The following SEPTIN10 variants were observed in gnomAD, a reference collection of about 807,000 sequenced individuals.
SEPTIN10 encodes septin 10.
Under a neutral mutation model 54.8 loss-of-function variants are expected in SEPTIN10, and 66 were observed. The ratio of observed to expected loss-of-function variants is 1.21; its 90% confidence interval spans 0.99 to 1.48. The LOEUF is 1.48. SEPTIN10 is among the 40% of genes most tolerant of loss of function. The probability of loss-of-function intolerance (pLI) is 0.00; values close to 1 mark genes in which losing one functional copy is unlikely to be tolerated. For missense variants in SEPTIN10, 620 were observed against 545.6 expected (o/e 1.14, Z -1.36); for synonymous variants, 161 against 181.0 (o/e 0.89, Z 0.89).
At chr2:109,612,851 A>AT (rs1699550867) in intron 1 of SEPTIN10, among the ~76,000 whole-genome samples, 1 of 152,196 alleles carries the variant, frequency 6.6e-6, no homozygotes. Flanking sequence ...CAGGTTCTAT[A>AT]AAACAAACCA....
At position 109,574,725 on chromosome 2, in the gene SEPTIN10, G is replaced by A; in HGVS notation, c.456C>T (p.Ala152=). 1 of 1,601,770 alleles carries A rather than the reference G, an allele frequency of 6.2e-7. No individual in the cohort carries two copies. The highest frequency in any genetic ancestry group is 8.5e-7 in the Non-Finnish European group (1 of 1,174,616). Residue 152 remains alanine, a synonymous_variant, in exon 5 of 11, where the codon GCC becomes GCT. Coordinates refer to ENST00000397712, the MANE Select transcript of SEPTIN10 (RefSeq NM_144710.5). ...TAATCTTCAGTTCTTCTTGGAGATAGGCCTCAAACTGAGCATCTATGTAGT... is the reference window on the plus strand; with the variant it reads ...TAATCTTCAGTTCTTCTTGGAGATAAGCCTCAAACTGAGCATCTATGTAGT... ...IVDYIDAQFE[A]YLQEELKIKR...
At chr2:109,548,169 G>T (rs1443315158) in intron 9 of SEPTIN10, among the ~76,000 whole-genome samples, 5 of 121,504 alleles carry the variant, frequency 4.1e-5, no homozygotes, top group Non-Finnish European at 5.0e-5. Flanking sequence ...TTTAATTGTG[G>T]CTTACCTCAA....
At chr2:109,571,562 G>C (rs145365841) in intron 5 of SEPTIN10, among the ~76,000 whole-genome samples, 12 of 152,324 alleles carry the variant, frequency 7.9e-5, no homozygotes, top group Non-Finnish European at 1.5e-4. Flanking sequence ...TCTAAACACA[G>C]AAACATATAA....
chr2:109,607,161 T>C (rs1698179949), intron 1 of SEPTIN10, among the ~76,000 whole-genome samples: 1 of 152,200 alleles, frequency 6.6e-6, no homozygotes, highest in Non-Finnish European at 1.5e-5. Flanking sequence ...TATTTAAAGG[T>C]AGTATAAATC....
rs2104785187 is a variant in SEPTIN10, at chr2:109,552,897, AG to A, written c.1161+189del. 4.8e-6 allele frequency: 3 copies of A among 621,542 alleles called. No homozygotes were observed. The East Asian group carries it at 9.0e-5, about 19-fold the overall frequency. 38.5% of individuals were successfully genotyped at this position (621,542 alleles called of 1,614,324 possible). ...AAATGTACTGCTTTAAAAAAAAAGA[AG>A]GCCAAAGTTTTCATTTAATTTCAGG... On this transcript the variant is annotated intron_variant, in intron 9 of 10. Coordinates refer to ENST00000397712, the MANE Select transcript of SEPTIN10 (RefSeq NM_144710.5).
intron 10 of SEPTIN10, chr2:109,545,740 G>C: frequency 2.1e-6 from 3 of 1,428,278 alleles, no homozygotes; most frequent in Non-Finnish European, 1.8e-6. Flanking sequence ...GCCACGGCTG[G>C]GCTATTCAAT....
At chr2:109,564,254 T>C (rs1039556344) in intron 8 of SEPTIN10, 112 bp downstream of exon 8, 8 of 966,648 alleles carry the variant, frequency 8.3e-6, no homozygotes, top group African/African-American at 5.0e-5. Context: ...TGATTCTATA[T>C]CATGGTTTTG....
chr2:109,570,543 A>G (rs1172270940), intron 5 of SEPTIN10, among the ~76,000 whole-genome samples: 1 of 147,458 alleles, frequency 6.8e-6, no homozygotes, highest in African/African-American at 2.5e-5. Flanking sequence ...TTTTTTTTCC[A>G]AGACGGAGTC....
chr2:109,563,476 C>T (rs1452861502), intron 8 of SEPTIN10, among the ~76,000 whole-genome samples: 1 of 152,152 alleles, frequency 6.6e-6, no homozygotes, highest in Non-Finnish European at 1.5e-5. Context: ...TAAAATAGCA[C>T]TTGTCCCAAG....
Position 109,543,520 on chromosome 2 carries a change from A to G in SEPTIN10, c.*789T>C, listed in dbSNP as rs1457134957. 6 of 152,230 alleles carry G rather than the reference A, an allele frequency of 3.9e-5. No homozygotes were observed. The East Asian group carries it at 1.2e-3, about 29-fold the overall frequency. The allele number at this position is 152,230 out of a possible 1,614,324, so 9.4% of individuals were successfully genotyped here. A position where few individuals can be genotyped will look rare whatever the true frequency, so the allele number is the denominator to read the frequency against. Reference sequence around the variant, plus strand: ...ATTGTATAAAAAATTTTTAAGTTCTATAAAACTATTAAGAGGTTAGAGTTT... The same window carrying G: ...ATTGTATAAAAAATTTTTAAGTTCTGTAAAACTATTAAGAGGTTAGAGTTT... On this transcript the variant is annotated 3_prime_UTR_variant, in exon 11 of 11. Coordinates refer to ENST00000397712, the MANE Select transcript of SEPTIN10 (RefSeq NM_144710.5).
chr2:109,610,160 C>G (rs901955793), intron 1 of SEPTIN10, among the ~76,000 whole-genome samples: 42 of 151,862 alleles, frequency 2.8e-4, no homozygotes, highest in African/African-American at 9.7e-4. Flanking sequence ...GCGATCTCAG[C>G]TTACTGCAAC....
chr2:109,566,566 T>A (rs1266175999), intron 6 of SEPTIN10, among the ~76,000 whole-genome samples: 1 of 152,190 alleles, frequency 6.6e-6, no homozygotes, highest in Non-Finnish European at 1.5e-5. Context: ...TGTGTGTGTG[T>A]ACAGTATGTG....
intron 10 of SEPTIN10, chr2:109,545,605 C>A: frequency 6.5e-7 from 1 of 1,531,908 alleles, no homozygotes. Flanking sequence ...AAAACTGAAC[C>A]TAAGAATTAA....
chr2:109,605,864 G>C (rs1697821231), intron 1 of SEPTIN10, among the ~76,000 whole-genome samples: 1 of 152,148 alleles, frequency 6.6e-6, no homozygotes, highest in African/African-American at 2.4e-5. Context: ...AATGATCCAT[G>C]TCACAAAGAA....
intron 8 of SEPTIN10, among the ~76,000 whole-genome samples, chr2:109,554,579 T>C (rs1399860019): frequency 6.6e-6 from 1 of 152,174 alleles, no homozygotes; most frequent in Non-Finnish European, 1.5e-5. Context: ...GCTTACAGCT[T>C]TGGGATGAAG....
intron 4 of SEPTIN10, among the ~76,000 whole-genome samples, chr2:109,584,779 A>G (rs1422919939): frequency 6.6e-6 from 1 of 152,186 alleles, no homozygotes; most frequent in Non-Finnish European, 1.5e-5. Context: ...TATTGTTCTT[A>G]TATGTCTTGT....
chr2:109,550,256 C>T (rs900621449), intron 9 of SEPTIN10, among the ~76,000 whole-genome samples: 3 of 151,508 alleles, frequency 2.0e-5, no homozygotes, highest in Admixed American at 1.3e-4. Context: ...CACCATTGTA[C>T]TCCAGCCTGG....
Position 109,580,820 on chromosome 2 carries a change from T to C in SEPTIN10, c.413+4306A>G, listed in dbSNP as rs906377853. ...GCCCTCTTTTATGAGCCCTACCATG[T>C]CCCAGCTTCCTGACTGGGGACAAGT... On this transcript the variant is annotated intron_variant, in intron 4 of 10. Transcript: ENST00000397712. Among the ~76,000 whole-genome samples the C allele has an allele frequency of 2.0e-4, 31 of 152,318 alleles. 1 individual carries two copies. Among genetic ancestry groups the C allele is most frequent in the Admixed American group, 1.6e-3 (25 of 15,292 alleles).
Position 109,596,399 on chromosome 2 carries a change from T to C in SEPTIN10, c.31-3280A>G, listed in dbSNP as rs1435445543. ...TTGGGAGGCCGAGGTGGGTGGATCA[T>C]GAGGTCAGGAGATCAAGACCATCCT... On this transcript the variant is annotated intron_variant, in intron 1 of 10. Coordinates refer to ENST00000397712, the MANE Select transcript of SEPTIN10 (RefSeq NM_144710.5). Among the ~76,000 whole-genome samples, 13 of 152,144 alleles carry C rather than the reference T, an allele frequency of 8.5e-5. No individual in the cohort carries two copies. The East Asian group carries it at 2.5e-3, about 29-fold the overall frequency.
Sources: allele counts gnomAD v4.1 joint callset (sites outside exome capture counted in the v4.1 genomes callset), GRCh38; gene constraint gnomAD v4.1.1; transcripts MANE v1.5; gene names NCBI Gene and HGNC (gene_info 2026-07-23, HGNC 2026-07-21).